CRBN: variants seen among roughly 807,000 people sequenced by gnomAD.
CRBN encodes the protein cereblon, also known as protein cereblon.
CRBN carries 53 observed loss-of-function variants against 62.2 expected under a neutral mutation model. The observed-to-expected ratio is 0.85, with a 90% CI of 0.68 to 1.07. The LOEUF is 1.07. Among genes scored for constraint, CRBN ranks in the 50% least tolerant of loss-of-function variants. The probability of loss-of-function intolerance (pLI) is 0.00; values close to 1 mark genes in which losing one functional copy is unlikely to be tolerated. For missense variants in CRBN, 616 were observed against 531.1 expected (o/e 1.16, Z -1.57); for synonymous variants, 208 against 176.1 (o/e 1.18, Z -1.43).
intron 9 of CRBN, chr3:3,153,121 T>C (rs1289998519): frequency 2.8e-6 from 1 of 351,318 alleles, no homozygotes. Context: ...GAAGCATCTA[T>C]GTTAGGGCCT....
chr3:3,160,376 T>G (rs531240058), intron 5 of CRBN, among the ~76,000 whole-genome samples: 1 of 152,196 alleles, frequency 6.6e-6, no homozygotes, highest in African/African-American at 2.4e-5. Flanking sequence ...ATAATTTATA[T>G]AAATAATTAA....
chr3:3,164,702 A>T (rs1311019423), intron 5 of CRBN, among the ~76,000 whole-genome samples: 1 of 152,240 alleles, frequency 6.6e-6, no homozygotes, highest in Non-Finnish European at 1.5e-5. Context: ...CTGCTCATTG[A>T]CAATGTACAT....
chr3:3,166,941 A>C, intron 5 of CRBN, among the ~76,000 whole-genome samples: 1 of 152,220 alleles, frequency 6.6e-6, no homozygotes, highest in East Asian at 1.9e-4. Context: ...ATATTAAAAA[A>C]AAAAACTCAA....
At chr3:3,152,277 C>T (rs1262730685) in intron 10 of CRBN, among the ~76,000 whole-genome samples, 179 bp downstream of exon 10, 3 of 151,824 alleles carry the variant, frequency 2.0e-5, no homozygotes, top group African/African-American at 4.8e-5. Flanking sequence ...CTCAGCATCC[C>T]GAGCAGCTGG....
At chr3:3,168,760 A>T (rs1454402861) in intron 4 of CRBN, among the ~76,000 whole-genome samples, 1 of 152,174 alleles carries the variant, frequency 6.6e-6, no homozygotes, top group African/African-American at 2.4e-5. Flanking sequence ...TGTGTTAGAA[A>T]GTATCTAAGT....
intron 4 of CRBN, among the ~76,000 whole-genome samples, chr3:3,168,866 G>C (rs1451491660): frequency 6.6e-6 from 1 of 151,988 alleles, no homozygotes; most frequent in Admixed American, 6.6e-5. Flanking sequence ...CATGACTTCG[G>C]AAAATGTTAA....
chr3:3,154,952 C>T, intron 6 of CRBN, 121 bp from the exon 7 acceptor site: 2 of 697,050 alleles, frequency 2.9e-6, no homozygotes, highest in Non-Finnish European at 5.2e-6. Context: ...CATCTCAGTC[C>T]CAGTTTAAAT....
chr3:3,174,084 T>C lies in CRBN; in HGVS notation c.352A>G (p.Arg118Gly), dbSNP rs1183307342. 4 of 1,614,168 alleles carry C rather than the reference T, an allele frequency of 2.5e-6. No individual in the cohort carries two copies. Among genetic ancestry groups the C allele is most frequent in the Non-Finnish European group, 3.4e-6 (4 of 1,180,014 alleles). Reference sequence around the variant, plus strand: ...CTGTATGCAAGAACAGCAAAGGTTCTATCTTTCTGAATTAAATTCCGCACC... The same window carrying C: ...CTGTATGCAAGAACAGCAAAGGTTCCATCTTTCTGAATTAAATTCCGCACC... Reference protein sequence around the residue: ...SMVRNLIQKDRTFAVLAYSNV... With the variant: ...SMVRNLIQKDGTFAVLAYSNV... Residue 118 changes from arginine to glycine, a missense_variant, in exon 3 of 11, where the codon AGA (arginine) becomes GGA (glycine). By Grantham distance (125) the Arg-to-Gly change is moderately radical. Transcript: ENST00000231948.
chr3:3,165,783 A>G (rs1474435125), intron 5 of CRBN, among the ~76,000 whole-genome samples: 1 of 152,166 alleles, frequency 6.6e-6, no homozygotes, highest in Non-Finnish European at 1.5e-5. Context: ...ACCCCCTGAA[A>G]AAAAATCTCT....
intron 5 of CRBN, among the ~76,000 whole-genome samples, chr3:3,165,533 T>C (rs1050786448): frequency 1.3e-5 from 2 of 152,214 alleles, no homozygotes; most frequent in South Asian, 2.1e-4. Context: ...AAAAAGATTA[T>C]GATTCACTGA....
chr3:3,162,482 C>G (rs189693514), intron 5 of CRBN, among the ~76,000 whole-genome samples: 1 of 152,200 alleles, frequency 6.6e-6, no homozygotes, highest in Admixed American at 6.5e-5. Flanking sequence ...AAAGTGTTTC[C>G]TAATTACACT....
At chr3:3,162,047 T>C (rs544251421) in intron 5 of CRBN, among the ~76,000 whole-genome samples, 1 of 152,348 alleles carries the variant, frequency 6.6e-6, no homozygotes, top group African/African-American at 2.4e-5. Flanking sequence ...ATGAGACCCC[T>C]GCCCTTCCAA....
At chr3:3,168,202 A>C (rs1465117809) in intron 4 of CRBN, among the ~76,000 whole-genome samples, 1 of 152,100 alleles carries the variant, frequency 6.6e-6, no homozygotes, top group African/African-American at 2.4e-5. Context: ...CTTAACTCTT[A>C]CATCTATCCT....
intron 4 of CRBN, among the ~76,000 whole-genome samples, chr3:3,170,813 T>C (rs1452554473): frequency 2.0e-5 from 3 of 152,184 alleles, no homozygotes; most frequent in Admixed American, 6.5e-5. Flanking sequence ...GTTAATCTTT[T>C]TTTTCCTTTG....
At chr3:3,151,160 A>G (rs1706515179) in intron 10 of CRBN, 115 bp from the exon 11 acceptor site, 3 of 1,129,150 alleles carry the variant, frequency 2.7e-6, no homozygotes, top group South Asian at 2.7e-5. Context: ...TAGAGATTCT[A>G]AGTTGAGATT....
chr3:3,156,082 G>A (rs1319824710), intron 6 of CRBN, 137 bp downstream of exon 6: 2 of 767,486 alleles, frequency 2.6e-6, no homozygotes, highest in African/African-American at 1.7e-5. Flanking sequence ...GGGATTACAG[G>A]TGTGAGCCAC....
chr3:3,163,067 C>T (rs768507738), intron 5 of CRBN, among the ~76,000 whole-genome samples: 1 of 152,184 alleles, frequency 6.6e-6, no homozygotes, highest in African/African-American at 2.4e-5. Flanking sequence ...TTTTGATGCA[C>T]ACAGAATGGC....
In CRBN at chr3:3,175,844, C is replaced by T. The variant is rs569853692; in HGVS notation, c.68-575G>A. 9.9e-5 allele frequency among the ~76,000 whole-genome samples: 15 copies of T among 152,208 alleles called. No individual in the cohort carries two copies. The East Asian group carries it at 1.4e-3, about 14-fold the overall frequency. ...AATTCCCATGATTAGACTGAGGATACGTGTTTTAGGGAGGAAGACCACAGA... is the reference window on the plus strand; with the variant it reads ...AATTCCCATGATTAGACTGAGGATATGTGTTTTAGGGAGGAAGACCACAGA... On this transcript the variant is annotated intron_variant, in intron 1 of 10. Transcript: ENST00000231948.
intron 10 of CRBN, 24 bp from the exon 11 acceptor site, chr3:3,151,069 A>G (rs768046511): frequency 1.2e-6 from 2 of 1,612,394 alleles, no homozygotes; most frequent in Non-Finnish European, 1.7e-6. Context: ...GAAAGATATC[A>G]GCTAAGGAAA....
Sources: gnomAD v4.1 joint callset for allele counts (sites outside exome capture counted in the v4.1 genomes callset) on GRCh38, gnomAD v4.1.1 for gene constraint, MANE v1.5 for transcripts, NCBI Gene and HGNC (gene_info 2026-07-23, HGNC 2026-07-21) for gene names.